Variants in LGR4 observed in about 807,000 individuals in gnomAD.
The protein encoded by LGR4 is leucine-rich repeat-containing G protein-coupled receptor 4.
In LGR4, 44 loss-of-function variants were observed where a neutral mutation model predicts 84.8. That is an observed-to-expected ratio of 0.52 (90% CI 0.41 to 0.67). LGR4 has a LOEUF of 0.67. LGR4 is among the 30% of genes least tolerant of loss of function. LGR4 has a pLI of 0.00. For missense variants in LGR4, 1,032 were observed against 1,131.4 expected, an observed-to-expected ratio of 0.91 and a Z score of 1.26; for synonymous variants, 429 against 434.3, an observed-to-expected ratio of 0.99 and a Z score of 0.15.
At chr11:27,472,060 G>GC (rs892371757) in intron 1 of LGR4, 58 bp downstream of exon 1, 3 of 1,176,260 alleles carry the variant, frequency 2.6e-6, no homozygotes, top group African/African-American at 1.6e-5. Context: ...GCCCCGCGGC[G>GC]CCCCCCGCTG....
intron 1 of LGR4, among the ~76,000 whole-genome samples, chr11:27,459,628 C>G (rs961202612): frequency 6.6e-6 from 1 of 152,036 alleles, no homozygotes; most frequent in Non-Finnish European, 1.5e-5. Flanking sequence ...AGGTGCCCAC[C>G]ACTGCACCTG....
Position 27,373,584 on chromosome 11 carries a change from TCTTTCAG to T in LGR4, c.1339_1345del (p.Leu447LysfsTer3). 1 of 1,597,196 alleles carries T rather than the reference TCTTTCAG, an allele frequency of 6.3e-7. No homozygotes were observed. Among genetic ancestry groups the T allele is most frequent in the South Asian group, 1.2e-5 (1 of 86,932 alleles). On this transcript the variant is annotated frameshift_variant, in exon 15 of 18. Transcript: ENST00000379214. LOFTEE classifies it high-confidence loss of function. The stretch of plus-strand genomic sequence containing the variant: ...AACAAAGTCTTTTGCTGCTAAGGCT[TCTTTCAG>T]CTTGAAGTTGCCCACAAGTTTCAGT...
At chr11:27,417,773 C>T (rs1863847860) in intron 1 of LGR4, among the ~76,000 whole-genome samples, 1 of 152,066 alleles carries the variant, frequency 6.6e-6, no homozygotes, top group Admixed American at 6.6e-5. Context: ...TATATTTTTA[C>T]AAATCTGAAA....
At chr11:27,420,856 G>C (rs1863912733) in intron 1 of LGR4, among the ~76,000 whole-genome samples, 2 of 152,104 alleles carry the variant, frequency 1.3e-5, no homozygotes, top group South Asian at 2.1e-4. Flanking sequence ...TGGTCAAAGA[G>C]ATAAAACCAT....
At chr11:27,409,181 G>A (rs1863665453) in intron 2 of LGR4, among the ~76,000 whole-genome samples, 1 of 152,056 alleles carries the variant, frequency 6.6e-6, no homozygotes, top group South Asian at 2.1e-4. Flanking sequence ...ATATTTTCCT[G>A]AGAACAAATA....
intron 1 of LGR4, among the ~76,000 whole-genome samples, chr11:27,458,958 A>G (rs1864624287): frequency 6.6e-6 from 1 of 152,198 alleles, no homozygotes; most frequent in Non-Finnish European, 1.5e-5. Context: ...GGGAACCACA[A>G]ATAGATTCAT....
At chr11:27,444,405 T>C (rs917321802) in intron 1 of LGR4, among the ~76,000 whole-genome samples, 8 of 152,348 alleles carry the variant, frequency 5.3e-5, no homozygotes, top group Admixed American at 1.3e-4. Flanking sequence ...AACCTTTCAA[T>C]AGCTTAGCAC....
chr11:27,446,801 A>G (rs1449990829), intron 1 of LGR4, among the ~76,000 whole-genome samples: 7 of 152,104 alleles, frequency 4.6e-5, no homozygotes, highest in Admixed American at 2.0e-4. Context: ...TCCATCAATG[A>G]TAGACTGGAT....
chr11:27,467,525 C>A (rs1464001807), intron 1 of LGR4, among the ~76,000 whole-genome samples: 1 of 150,364 alleles, frequency 6.7e-6, no homozygotes, highest in Non-Finnish European at 1.5e-5. Context: ...CGAGGTCGTG[C>A]CACTGCACTC....
chr11:27,386,136 A>C (rs1404988379), intron 4 of LGR4, among the ~76,000 whole-genome samples: 1 of 152,146 alleles, frequency 6.6e-6, no homozygotes, highest in Non-Finnish European at 1.5e-5. Flanking sequence ...TGTTGGAAAA[A>C]CCAAGCAGCT....
Position 27,377,196 on chromosome 11 carries a change from G to T in LGR4, c.1071C>A (p.Asp357Glu). 6.3e-7 allele frequency: 1 copy of T among 1,582,828 alleles called. No homozygotes were observed. Among genetic ancestry groups the T allele is most frequent in the Non-Finnish European group, 8.7e-7 (1 of 1,154,848 alleles). ...TLDLSYNNIR[D>E]LPSFNGCHAL... ...CATGGCAACCATTAAAACTTGGAAG[G>T]TCTCTTATATTATTGTAAGACAAGT... is the stretch of plus-strand genomic sequence containing the variant. Residue 357 changes from aspartate to glutamate, a missense_variant, in exon 12 of 18, where the codon GAC becomes GAA. Transcript: ENST00000379214.
At chr11:27,419,902 T>C (rs1863895710) in intron 1 of LGR4, among the ~76,000 whole-genome samples, 2 of 151,908 alleles carry the variant, frequency 1.3e-5, no homozygotes, top group South Asian at 4.1e-4. Flanking sequence ...CACAGAAAAT[T>C]GATCAGTGGT....
chr11:27,402,616 A>T (rs1158798034), intron 2 of LGR4, among the ~76,000 whole-genome samples: 1 of 152,194 alleles, frequency 6.6e-6, no homozygotes, highest in African/African-American at 2.4e-5. Flanking sequence ...CTAGTAATAA[A>T]GTAAGAAAAG....
At chr11:27,429,586 G>C (rs1864081703) in intron 1 of LGR4, among the ~76,000 whole-genome samples, 1 of 152,096 alleles carries the variant, frequency 6.6e-6, no homozygotes, top group Non-Finnish European at 1.5e-5. Flanking sequence ...TTCCAGGATA[G>C]AAAGTGTTCT....
At chr11:27,380,405 TTTAAAA>T in intron 9 of LGR4, 66 bp from the exon 10 acceptor site, 1 of 1,205,944 alleles carries the variant, frequency 8.3e-7, no homozygotes, top group Non-Finnish European at 1.2e-6. Context: ...TTTTAAACAG[TTTAAAA>T]TTACAGTGCA....
chr11:27,380,241 T>C (rs1258756615), intron 10 of LGR4, 30 bp downstream of exon 10: 4 of 1,449,320 alleles, frequency 2.8e-6, no homozygotes, highest in Non-Finnish European at 3.8e-6. Context: ...GTTATCTTTA[T>C]ACAACCCCTC....
intron 3 of LGR4, among the ~76,000 whole-genome samples, 195 bp downstream of exon 3, chr11:27,392,252 G>C (rs1314644385): frequency 1.3e-5 from 2 of 151,542 alleles, no homozygotes; most frequent in East Asian, 3.8e-4. Context: ...GTATTATTTA[G>C]AGTTTTAACT....
At chr11:27,469,158 A>C (rs550556421) in intron 1 of LGR4, among the ~76,000 whole-genome samples, 1 of 152,244 alleles carries the variant, frequency 6.6e-6, no homozygotes, top group Non-Finnish European at 1.5e-5. Context: ...TAGTTGCTAC[A>C]GGTGCAGCAA....
chr11:27,468,421 T>C (rs145293269), intron 1 of LGR4, among the ~76,000 whole-genome samples: 7 of 152,310 alleles, frequency 4.6e-5, no homozygotes, highest in Admixed American at 2.6e-4. Flanking sequence ...TAGCTAGTCA[T>C]GCATTCTGCA....
Sources: gnomAD v4.1 joint callset for allele counts (sites outside exome capture counted in the v4.1 genomes callset) on GRCh38, gnomAD v4.1.1 for gene constraint, MANE v1.5 for transcripts, NCBI Gene and HGNC (gene_info 2026-07-23, HGNC 2026-07-21) for gene names.